Variants in SEZ6L observed in about 807,000 individuals in gnomAD.
SEZ6L encodes seizure related 6 homolog like, also known as seizure 6-like protein.
A neutral mutation model predicts 106.2 loss-of-function variants in SEZ6L; 37 were observed. The ratio of observed to expected loss-of-function variants is 0.35; its 90% CI spans 0.27 to 0.46. The LOEUF (loss-of-function observed/expected upper bound fraction) is 0.46, where lower values mean the gene tolerates loss of function less well. Ranked by LOEUF, SEZ6L falls within the 20% of genes least tolerant of loss-of-function variation. The pLI is 1.00. For missense variants in SEZ6L, 1,172 were observed against 1,332.8 expected (o/e 0.88, Z 1.88); for synonymous variants, 541 against 570.4 (o/e 0.95, Z 0.73).
intron 1 of SEZ6L, among the ~76,000 whole-genome samples, chr22:26,209,816 T>G (rs1312918971): frequency 2.5e-5 from 2 of 79,210 alleles, no homozygotes; most frequent in African/African-American, 5.9e-5. Flanking sequence ...GATGGATAGA[T>G]GGAAGAAAGG....
intron 1 of SEZ6L, among the ~76,000 whole-genome samples, chr22:26,192,578 C>T (rs978935888): frequency 5.9e-5 from 9 of 152,104 alleles, no homozygotes; most frequent in South Asian, 2.1e-4. Context: ...GTTGATATAA[C>T]GGTATGTTGT....
At chr22:26,332,860 T>C (rs1362839112) in intron 9 of SEZ6L, among the ~76,000 whole-genome samples, 2 of 152,222 alleles carry the variant, frequency 1.3e-5, no homozygotes. Flanking sequence ...TTGTATAAAA[T>C]GGTGGTTCAG....
intron 1 of SEZ6L, among the ~76,000 whole-genome samples, chr22:26,243,240 T>C (rs570305214): frequency 1.8e-4 from 28 of 152,368 alleles, no homozygotes; most frequent in African/African-American, 6.3e-4. Flanking sequence ...TTTGAACATA[T>C]GTCTTTGAGG....
chr22:26,200,656 G>T (rs1219662363), intron 1 of SEZ6L, among the ~76,000 whole-genome samples: 2 of 152,188 alleles, frequency 1.3e-5, no homozygotes, highest in Admixed American at 6.5e-5. Context: ...AGCCAGCTTG[G>T]CCACTGCTCC....
At chr22:26,362,252 G>A (rs1274779020) in intron 12 of SEZ6L, among the ~76,000 whole-genome samples, 1 of 152,204 alleles carries the variant, frequency 6.6e-6, no homozygotes, top group Non-Finnish European at 1.5e-5. Flanking sequence ...AGCGTTGGCT[G>A]CATATCCATC....
chr22:26,240,120 A>C (rs1358397954), intron 1 of SEZ6L, among the ~76,000 whole-genome samples: 2 of 149,114 alleles, frequency 1.3e-5, no homozygotes, highest in African/African-American at 2.5e-5. Flanking sequence ...ACACACACAC[A>C]CCATTGCATC....
chr22:26,244,160 C>T (rs1160807532), intron 1 of SEZ6L, among the ~76,000 whole-genome samples: 3 of 124,686 alleles, frequency 2.4e-5, no homozygotes, highest in African/African-American at 9.1e-5. Flanking sequence ...GAGACCCTAT[C>T]TCAAAAGAAA....
chr22:26,327,586 GACACATGCC>G (rs1157017511), intron 9 of SEZ6L, among the ~76,000 whole-genome samples: 2 of 112,360 alleles, frequency 1.8e-5, no homozygotes, highest in African/African-American at 7.0e-5. Flanking sequence ...CACATGACAC[GACACATGCC>G]ACACATGCCA....
chr22:26,351,285 C>A lies in SEZ6L; in HGVS notation c.2599+42C>A, dbSNP rs751406559. ...GAATTGGGCCCCCAGTAGGTAGAAG[C>A]AGATTCACTTTCTCTTGTTCATGAT... On this transcript the variant is annotated intron_variant, in intron 12 of 16. Coordinates refer to ENST00000248933, the MANE Select transcript of SEZ6L (RefSeq NM_021115.5). The A allele has an allele frequency of 1.9e-6, 3 of 1,574,414 alleles. No homozygotes were observed. In the Admixed American group the frequency reaches 5.2e-5, roughly 27 times the overall value.
chr22:26,316,071 A>C (rs1248885568), intron 9 of SEZ6L, among the ~76,000 whole-genome samples: 1 of 152,096 alleles, frequency 6.6e-6, no homozygotes, highest in African/African-American at 2.4e-5. Context: ...ATAAAAATTC[A>C]AATTGAATTA....
chr22:26,197,464 A>T (rs1230035819), intron 1 of SEZ6L, among the ~76,000 whole-genome samples: 1 of 152,190 alleles, frequency 6.6e-6, no homozygotes, highest in Non-Finnish European at 1.5e-5. Flanking sequence ...TTGTGCATAC[A>T]TTGTCATCCT....
At chr22:26,231,941 T>C (rs756910052) in intron 1 of SEZ6L, among the ~76,000 whole-genome samples, 5 of 152,154 alleles carry the variant, frequency 3.3e-5, no homozygotes, top group Non-Finnish European at 7.4e-5. Context: ...ATGAGGGACA[T>C]GCAAGTGGAG....
intron 9 of SEZ6L, among the ~76,000 whole-genome samples, chr22:26,322,310 A>G (rs1420300040): frequency 6.6e-6 from 1 of 152,138 alleles, no homozygotes; most frequent in East Asian, 1.9e-4. Flanking sequence ...CGGAGCACAC[A>G]CCGTAGCCTC....
At chr22:26,304,860 G>C (rs2081584968) in intron 5 of SEZ6L, among the ~76,000 whole-genome samples, 1 of 152,068 alleles carries the variant, frequency 6.6e-6, no homozygotes, top group Non-Finnish European at 1.5e-5. Context: ...TGTATTTACA[G>C]TTATGCATCA....
chr22:26,280,024 A>C (rs1233568114), intron 1 of SEZ6L, among the ~76,000 whole-genome samples: 1 of 152,202 alleles, frequency 6.6e-6, no homozygotes, highest in Non-Finnish European at 1.5e-5. Context: ...ATACAATAAA[A>C]AAAATAAAAA....
chr22:26,309,040 A>G (rs1476737272), intron 6 of SEZ6L, among the ~76,000 whole-genome samples: 3 of 152,318 alleles, frequency 2.0e-5, no homozygotes, highest in African/African-American at 7.2e-5. Flanking sequence ...CAAAATAAAC[A>G]AACTGTGGCT....
chr22:26,251,686 G>GC (rs111582860), intron 1 of SEZ6L, among the ~76,000 whole-genome samples: 5 of 152,184 alleles, frequency 3.3e-5, no homozygotes, highest in African/African-American at 1.2e-4. Context: ...CAGAATCAGT[G>GC]CCCCCTGGAA....
chr22:26,278,495 T>C (rs1008488829), intron 1 of SEZ6L, among the ~76,000 whole-genome samples: 6 of 152,198 alleles, frequency 3.9e-5, no homozygotes, highest in Admixed American at 2.0e-4. Context: ...TTTATGTCCA[T>C]GTGTGCCCAT....
intron 1 of SEZ6L, among the ~76,000 whole-genome samples, chr22:26,277,523 C>A (rs913397969): frequency 1.3e-5 from 2 of 152,166 alleles, no homozygotes; most frequent in Non-Finnish European, 2.9e-5. Flanking sequence ...GCAAACCATG[C>A]GAGTTATGTG....
Sources: allele counts gnomAD v4.1 joint callset (sites outside exome capture counted in the v4.1 genomes callset), GRCh38; gene constraint gnomAD v4.1.1; transcripts MANE v1.5; gene names NCBI Gene and HGNC (gene_info 2026-07-23, HGNC 2026-07-21).